Variants in MTUS2 observed in about 807,000 individuals in gnomAD.
MTUS2 encodes the protein microtubule-associated tumor suppressor candidate 2.
MTUS2 carries 40 observed loss-of-function variants against 114.1 expected under a neutral mutation model. That is an observed-to-expected ratio of 0.35 (90% CI 0.27 to 0.46). MTUS2 has a LOEUF of 0.46. Ranked by LOEUF, MTUS2 falls within the 20% of genes least tolerant of loss-of-function variation. The pLI is 1.00. For synonymous variants in MTUS2, 688 were observed against 672.0 expected (o/e 1.02, Z -0.37); for missense variants, 1,679 against 1,705.4 (o/e 0.98, Z 0.27).
intron 4 of MTUS2, among the ~76,000 whole-genome samples, chr13:29,069,084 G>A (rs1888793411): frequency 6.6e-6 from 1 of 152,148 alleles, no homozygotes; most frequent in South Asian, 2.1e-4. Context: ...ATGGAGAGAA[G>A]TAGATGGGTT....
chr13:29,223,189 G>C (rs1432324808), intron 5 of MTUS2, among the ~76,000 whole-genome samples: 1 of 152,182 alleles, frequency 6.6e-6, no homozygotes, highest in Admixed American at 6.5e-5. Context: ...GTGGACTGGA[G>C]TGAGAACTTA....
At chr13:28,960,375 C>G (rs1377306402) in intron 2 of MTUS2, among the ~76,000 whole-genome samples, 2 of 152,078 alleles carry the variant, frequency 1.3e-5, no homozygotes, top group Non-Finnish European at 2.9e-5. Flanking sequence ...AATTTTAGTC[C>G]TAGGTATATA....
At chr13:28,878,359 C>T (rs1878085634) in intron 2 of MTUS2, among the ~76,000 whole-genome samples, 1 of 151,996 alleles carries the variant, frequency 6.6e-6, no homozygotes. Flanking sequence ...TCCTGGGGTA[C>T]ATGTGCAGTA....
intron 5 of MTUS2, among the ~76,000 whole-genome samples, chr13:29,256,496 C>T (rs1202259321): frequency 1.3e-5 from 2 of 152,224 alleles, no homozygotes; most frequent in African/African-American, 4.8e-5. Flanking sequence ...CAAAGCACCA[C>T]GGAGGGACAA....
chr13:29,113,556 A>C (rs1026506062), intron 5 of MTUS2, among the ~76,000 whole-genome samples: 13 of 152,222 alleles, frequency 8.5e-5, no homozygotes, highest in African/African-American at 2.9e-4. Flanking sequence ...TGGGGCTGGC[A>C]TAACTGAGGA....
At chr13:28,931,468 C>T (rs1055588510) in intron 2 of MTUS2, among the ~76,000 whole-genome samples, 2 of 152,036 alleles carry the variant, frequency 1.3e-5, no homozygotes, top group African/African-American at 4.8e-5. Flanking sequence ...CAAGTTGTTC[C>T]TTTGCTTGCT....
chr13:29,054,866 C>G (rs891529617), intron 4 of MTUS2, among the ~76,000 whole-genome samples: 8 of 151,958 alleles, frequency 5.3e-5, no homozygotes, highest in African/African-American at 1.9e-4. Flanking sequence ...TTGCTTAATT[C>G]CTCCAAATTT....
At chr13:29,150,231 CT>C (rs1284638555) in intron 5 of MTUS2, among the ~76,000 whole-genome samples, 1 of 152,144 alleles carries the variant, frequency 6.6e-6, no homozygotes, top group African/African-American at 2.4e-5. Flanking sequence ...AGATCCTTCA[CT>C]TCCCTTGTTA....
intron 5 of MTUS2, among the ~76,000 whole-genome samples, chr13:29,185,894 G>A (rs1303248896): frequency 1.3e-5 from 2 of 152,038 alleles, no homozygotes; most frequent in South Asian, 2.1e-4. Flanking sequence ...CATTATAGAA[G>A]TTGAATAAAA....
chr13:29,272,695 C>A (rs1897922000), intron 5 of MTUS2, among the ~76,000 whole-genome samples: 1 of 152,176 alleles, frequency 6.6e-6, no homozygotes, highest in Admixed American at 6.5e-5. Flanking sequence ...CCTTCCTCCC[C>A]ACAGTCCCAA....
rs372955379 is a variant in MTUS2 at position 29,042,881 on chromosome 13, T to C, written c.2446+8756T>C. ...CTCTTTTCTTGGCTAATCTTGCTAA[T>C]GGTCTATCAATTTTGTCTATCTTTT... On this transcript the variant is annotated intron_variant, in intron 4 of 15. Coordinates refer to ENST00000612955, the MANE Select transcript of MTUS2 (RefSeq NM_001033602.4). 1.4e-4 allele frequency among the ~76,000 whole-genome samples: 21 copies of C among 152,242 alleles called. No individual in the cohort carries two copies. In the East Asian group the frequency reaches 3.7e-3, roughly 27 times the overall value.
chr13:29,175,954 C>T (rs1338108700), intron 5 of MTUS2, among the ~76,000 whole-genome samples: 14 of 151,982 alleles, frequency 9.2e-5, no homozygotes, highest in Admixed American at 9.2e-4. Context: ...TTTATATGTT[C>T]TCTTTATGTA....
chr13:29,045,896 C>G (rs879608863), intron 4 of MTUS2, among the ~76,000 whole-genome samples: 1 of 152,040 alleles, frequency 6.6e-6, no homozygotes, highest in East Asian at 1.9e-4. Flanking sequence ...TGTAATCTTT[C>G]CCATCCCCAA....
chr13:29,016,929 A>G (rs1359541024), intron 2 of MTUS2, among the ~76,000 whole-genome samples: 2 of 152,206 alleles, frequency 1.3e-5, no homozygotes, highest in African/African-American at 4.8e-5. Flanking sequence ...TGTAAGTTTC[A>G]TTTAGTGTGC....
intron 2 of MTUS2, among the ~76,000 whole-genome samples, chr13:28,858,967 G>A (rs574821449): frequency 2.0e-5 from 3 of 152,226 alleles, no homozygotes; most frequent in East Asian, 1.9e-4. Context: ...AGTGGGAAAC[G>A]GTAAAGACAG....
intron 8 of MTUS2, among the ~76,000 whole-genome samples, chr13:29,389,521 GTATATATGTA>G (rs1873039278): frequency 2.8e-5 from 1 of 35,312 alleles, no homozygotes. Flanking sequence ...GTGTGTATGT[GTATATATGTA>G]TACACGTGTG....
intron 6 of MTUS2, among the ~76,000 whole-genome samples, chr13:29,301,910 G>A (rs1899219871): frequency 6.6e-6 from 1 of 152,184 alleles, no homozygotes; most frequent in Admixed American, 6.5e-5. Flanking sequence ...GTGCCTTCTT[G>A]CTGTGTCCTC....
At chr13:29,402,305 G>A (rs2138500817) in intron 8 of MTUS2, among the ~76,000 whole-genome samples, 1 of 152,210 alleles carries the variant, frequency 6.6e-6, no homozygotes, top group South Asian at 2.1e-4. Flanking sequence ...CTCTGTCCTG[G>A]AGAGTGCCTG....
At chr13:29,142,760 G>A (rs1216975504) in intron 5 of MTUS2, among the ~76,000 whole-genome samples, 3 of 152,134 alleles carry the variant, frequency 2.0e-5, no homozygotes, top group Non-Finnish European at 4.4e-5. Context: ...AAAGCCTGAA[G>A]GCCCAGGTAG....
Sources: gnomAD v4.1 joint callset for allele counts (sites outside exome capture counted in the v4.1 genomes callset) on GRCh38, gnomAD v4.1.1 for gene constraint, MANE v1.5 for transcripts, NCBI Gene and HGNC (gene_info 2026-07-23, HGNC 2026-07-21) for gene names.